Variants in NINL observed in about 807,000 individuals in gnomAD.
NINL encodes ninein-like protein.
NINL carries 153 observed loss-of-function variants against 160.3 expected under a neutral mutation model. The ratio of observed to expected loss-of-function variants is 0.95; its 90% CI spans 0.84 to 1.09. The LOEUF (loss-of-function observed/expected upper bound fraction) is 1.09. NINL is among the 50% of genes least tolerant of loss of function. The pLI, the probability that NINL is intolerant of heterozygous loss-of-function variation, is 0.00. For synonymous variants in NINL, 800 were observed against 734.8 expected (o/e 1.09, Z -1.43); for missense variants, 1,829 against 1,764.0 (o/e 1.04, Z -0.66).
intron 15 of NINL, 123 bp downstream of exon 15, chr20:25,480,038 G>A: frequency 1.4e-6 from 1 of 708,934 alleles, no homozygotes; most frequent in Non-Finnish European, 2.5e-6. Context: ...TCCCCAAAGG[G>A]GCTCACAATG....
At chr20:25,549,815 T>C (rs1168491984) in intron 1 of NINL, among the ~76,000 whole-genome samples, 1 of 152,180 alleles carries the variant, frequency 6.6e-6, no homozygotes, top group Admixed American at 6.5e-5. Flanking sequence ...TTTTAAAAAA[T>C]GTTTCCACAC....
At chr20:25,561,036 T>TCTTTCCACGGTCTC (rs2064928376) in intron 1 of NINL, among the ~76,000 whole-genome samples, 1 of 16,660 alleles carries the variant, frequency 6.0e-5, no homozygotes, top group Admixed American at 8.4e-4. Context: ...CCCTCTCCCC[T>TCTTTCCACGGTCTC]CCTCTCCCTC....
At chr20:25,505,216 G>C in intron 5 of NINL, 138 bp from the exon 6 acceptor site, 1 of 761,848 alleles carries the variant, frequency 1.3e-6, no homozygotes, top group Non-Finnish European at 2.0e-6. Context: ...GAAATTAGCA[G>C]ACACAGAAAG....
chr20:25,546,911 T>C (rs2064740465), intron 1 of NINL, among the ~76,000 whole-genome samples: 2 of 152,186 alleles, frequency 1.3e-5, no homozygotes, highest in Admixed American at 6.5e-5. Context: ...ATCAAGAAGT[T>C]GGCGTGGCTT....
intron 2 of NINL, among the ~76,000 whole-genome samples, chr20:25,524,901 TAA>T (rs1413852348): frequency 4.8e-5 from 6 of 124,678 alleles, no homozygotes; most frequent in Non-Finnish European, 1.0e-4. Context: ...AGACTCAAAT[TAA>T]AATATATATA....
intron 21 of NINL, among the ~76,000 whole-genome samples, chr20:25,460,834 C>T (rs550686265): frequency 1.2e-4 from 18 of 152,354 alleles, no homozygotes; most frequent in Admixed American, 3.9e-4. Context: ...CCCTTTCCCA[C>T]AGCCCCCTTT....
chr20:25,504,254 T>C (rs180767799), intron 6 of NINL, 150 bp from the exon 7 acceptor site: 158 of 779,612 alleles, frequency 2.0e-4, no homozygotes, highest in Non-Finnish European at 1.8e-4. Context: ...GTGTAGACCA[T>C]GCGGGCTATA....
At chr20:25,519,075 C>T (rs1053718371) in intron 2 of NINL, among the ~76,000 whole-genome samples, 3 of 123,068 alleles carry the variant, frequency 2.4e-5, no homozygotes, top group Non-Finnish European at 3.2e-5. Flanking sequence ...CCAGCCTAGG[C>T]AACAGAGCGA....
chr20:25,465,385 C>T (rs1478119873), intron 19 of NINL, among the ~76,000 whole-genome samples: 1 of 152,198 alleles, frequency 6.6e-6, no homozygotes, highest in Middle Eastern at 3.2e-3. Context: ...GAACACTTGC[C>T]CATCAGAGAA....
chr20:25,496,676 C>T lies in NINL; in HGVS notation c.1297G>A (p.Glu433Lys), dbSNP rs2063760989. 1.9e-6 allele frequency: 3 copies of T among 1,614,096 alleles called. No homozygotes were observed. The East Asian group carries it at 6.7e-5, about 36-fold the overall frequency. ...CCCAGAACCCACTTGATTTTCTTCT[C>T]CGTGAGCTGCTCCAGGGTGGAGTGG... The part of the protein sequence containing the change: ...DCHSTLEQLT[E>K]KKIKHLEQGY... The change falls in exon 10 of 24, where the codon GAG (glutamate) becomes AAG (lysine). Residue 433 changes from glutamate (E) to lysine (K), a missense_variant. By Grantham distance (56) the Glu-to-Lys change is moderately conservative (BLOSUM62 1). Transcript: ENST00000278886.
intron 1 of NINL, among the ~76,000 whole-genome samples, chr20:25,528,891 C>T (rs1172204816): frequency 6.6e-6 from 1 of 152,184 alleles, no homozygotes; most frequent in Non-Finnish European, 1.5e-5. Flanking sequence ...AACAATGAAG[C>T]AACATCTCTT....
At chr20:25,576,144 G>C (rs1297690216) in intron 1 of NINL, among the ~76,000 whole-genome samples, 28 of 152,158 alleles carry the variant, frequency 1.8e-4, no homozygotes, top group African/African-American at 7.2e-5. Flanking sequence ...CCAATTCAGA[G>C]ACAAGCACTG....
At chr20:25,463,993 T>C (rs2062852427) in intron 19 of NINL, among the ~76,000 whole-genome samples, 1 of 152,252 alleles carries the variant, frequency 6.6e-6, no homozygotes, top group South Asian at 2.1e-4. Context: ...AGAATTGTTT[T>C]AATACTGACA....
In NINL at chr20:25,453,201, G is replaced by A; in HGVS notation, c.*250C>T. 1 of 357,890 alleles carries A rather than the reference G, an allele frequency of 2.8e-6. No individual in the cohort carries two copies. The highest frequency in any genetic ancestry group is 5.0e-6 in the Non-Finnish European group (1 of 200,418). 22.2% of individuals were successfully genotyped at this position (357,890 alleles called of 1,614,324 possible). On this transcript the variant is annotated 3_prime_UTR_variant, in exon 24 of 24. Transcript: ENST00000278886. ...TGGCTCCAGAGAGTGGCAAAACTGG[G>A]AATTTTGCCAAGGGAAATTACTCAG...
At chr20:25,508,442 G>A (rs1011026496) in intron 5 of NINL, among the ~76,000 whole-genome samples, 2 of 152,230 alleles carry the variant, frequency 1.3e-5, no homozygotes, top group African/African-American at 4.8e-5. Context: ...CATGGTCAGC[G>A]GCCTGCCTGG....
intron 11 of NINL, among the ~76,000 whole-genome samples, chr20:25,490,376 T>A (rs374515805): frequency 1.3e-5 from 2 of 151,976 alleles, no homozygotes; most frequent in South Asian, 4.1e-4. Flanking sequence ...CTGGCTAACA[T>A]GGTGAAACCC....
chr20:25,473,494 T>TAAATAAAATAAAATAAAATAAAATA (rs71185303), intron 17 of NINL, among the ~76,000 whole-genome samples: 68 of 142,122 alleles, frequency 4.8e-4, no homozygotes, highest in African/African-American at 9.7e-4. Flanking sequence ...AATAATAAAA[T>TAAATAAAATAAAATAAAATAAAATA]AAATAAAATA....
chr20:25,504,123 A>C lies in NINL; in HGVS notation c.709-19T>G. On this transcript the variant is annotated intron_variant, in intron 6 of 23. Transcript: ENST00000278886. Reference sequence around the variant, plus strand: ...CGAGTTCCTAAACAAAAGCCGTCATATCTCAGGCCCACCCACAAGAGCTCC... The same window carrying C: ...CGAGTTCCTAAACAAAAGCCGTCATCTCTCAGGCCCACCCACAAGAGCTCC... 1 of 1,546,390 alleles carries C rather than the reference A, an allele frequency of 6.5e-7. No individual in the cohort carries two copies. The highest frequency in any genetic ancestry group is 2.3e-5 in the East Asian group (1 of 43,986).
intron 16 of NINL, among the ~76,000 whole-genome samples, chr20:25,477,423 G>T (rs1320888000): frequency 6.6e-6 from 1 of 152,228 alleles, no homozygotes; most frequent in Non-Finnish European, 1.5e-5. Flanking sequence ...AGCCCTCAAG[G>T]CTCCCAACTG....
Sources: allele counts gnomAD v4.1 joint callset (sites outside exome capture counted in the v4.1 genomes callset), GRCh38; gene constraint gnomAD v4.1.1; transcripts MANE v1.5; gene names NCBI Gene and HGNC (gene_info 2026-07-23, HGNC 2026-07-21).